ALKBH1: variants seen among roughly 807,000 people sequenced by gnomAD.
ALKBH1 encodes alkB homolog 1, histone H2A dioxygenase.
In ALKBH1, 31 loss-of-function variants were observed where a neutral mutation model predicts 36.6. That is an observed-to-expected ratio of 0.85 (90% CI 0.64 to 1.14). The LOEUF (loss-of-function observed/expected upper bound fraction) is 1.14. Among genes scored for constraint, ALKBH1 ranks in the 50% most tolerant of loss-of-function variants. The pLI is 0.00. For missense variants in ALKBH1, 490 were observed against 497.3 expected, an observed-to-expected ratio of 0.99 and a Z score of 0.14; for synonymous variants, 183 against 186.6, an observed-to-expected ratio of 0.98 and a Z score of 0.16.
chr14:77,693,388 A>G (rs190180330), intron 3 of ALKBH1, among the ~76,000 whole-genome samples: 84 of 152,250 alleles, frequency 5.5e-4, no homozygotes, highest in Non-Finnish European at 7.8e-4. Context: ...GTTTTTGAAC[A>G]TAACTAAAGT....
chr14:77,674,354 T>A, intron 5 of ALKBH1, 113 bp from the exon 6 acceptor site: 1 of 1,209,978 alleles, frequency 8.3e-7, no homozygotes, highest in African/African-American at 1.5e-5. Context: ...AGGTTGATAT[T>A]TATTGCTCCC....
intron 3 of ALKBH1, chr14:77,683,735 C>T (rs1780727947): frequency 4.9e-6 from 1 of 202,282 alleles, no homozygotes; most frequent in Non-Finnish European, 1.0e-5. Flanking sequence ...CCACGCCTGG[C>T]TAATTTTTGT....
At chr14:77,688,402 C>T (rs72685267) in intron 3 of ALKBH1, among the ~76,000 whole-genome samples, 11,631 of 151,832 alleles carry the variant, frequency 0.077, 501 homozygotes, top group Middle Eastern at 0.1. Context: ...ACTAGAGGTG[C>T]GTGCTGCCAT....
chr14:77,704,261 A>ATGTGTATCCTTTGTCTAT, intron 2 of ALKBH1, 108 bp downstream of exon 2: 1 of 798,648 alleles, frequency 1.3e-6, no homozygotes, highest in Admixed American at 2.0e-5. Context: ...TCTGTTTATT[A>ATGTGTATCCTTTGTCTAT]TGTGTATCCT....
intron 5 of ALKBH1, 113 bp downstream of exon 5, chr14:77,675,543 A>T (rs2080200523): frequency 1.2e-6 from 1 of 860,072 alleles, no homozygotes; most frequent in Admixed American, 2.9e-5. Context: ...GGAAGATTAT[A>T]GAGTCCAACC....
chr14:77,675,979 C>G (rs1025812953), intron 4 of ALKBH1, 130 bp from the exon 5 acceptor site: 2 of 751,818 alleles, frequency 2.7e-6, no homozygotes, highest in South Asian at 2.0e-5. Context: ...ACAGCATTAT[C>G]TATCCATTCT....
intron 2 of ALKBH1, among the ~76,000 whole-genome samples, chr14:77,700,653 G>T (rs1419106746): frequency 6.6e-6 from 1 of 152,194 alleles, no homozygotes; most frequent in Non-Finnish European, 1.5e-5. Flanking sequence ...ACGAAATAAA[G>T]AATATTATAA....
chr14:77,700,637 A>G (rs1199219977), intron 2 of ALKBH1, among the ~76,000 whole-genome samples: 6 of 152,180 alleles, frequency 3.9e-5, no homozygotes, highest in East Asian at 1.9e-4. Context: ...CTATCACCAC[A>G]ATTTCACGAA....
chr14:77,687,715 T>C (rs938026486), intron 3 of ALKBH1, among the ~76,000 whole-genome samples: 10 of 152,164 alleles, frequency 6.6e-5, no homozygotes, highest in African/African-American at 1.4e-4. Context: ...TCTAACAGCA[T>C]TTCTTCTGTT....
intron 4 of ALKBH1, among the ~76,000 whole-genome samples, chr14:77,676,258 C>T (rs1297188707): frequency 6.6e-6 from 1 of 151,914 alleles, no homozygotes; most frequent in Non-Finnish European, 1.5e-5. Context: ...GTTGTGATTA[C>T]AGACATGAGC....
chr14:77,707,812 C>G lies in ALKBH1; in HGVS notation c.183+10G>C, dbSNP rs1655635921. 3.2e-6 allele frequency: 5 copies of G among 1,585,148 alleles called. No homozygotes were observed. Among genetic ancestry groups the G allele is most frequent in the Non-Finnish European group, 4.3e-6 (5 of 1,164,514 alleles). ...CGATGGAGAGACGCGCGCCACTCCT[C>G]TCTCTGTACCTTTTGGGCACCAGGA... On this transcript the variant is annotated intron_variant, in intron 1 of 5. Coordinates refer to ENST00000216489, the MANE Select transcript of ALKBH1 (RefSeq NM_006020.3).
In ALKBH1 at chr14:77,683,756, G is replaced by A. The variant is rs146875663; in HGVS notation, c.456-3786C>T. On this transcript the variant is annotated intron_variant, in intron 3 of 5. Transcript: ENST00000216489. ...CTGGCTAATTTTTGTATTTTTAGTA[G>A]AGACAGGGTTTCCCCATGTTGCCCA... The A allele has an allele frequency of 9.0e-3, 1,857 of 206,104 alleles. 17 individuals carry two copies. The highest frequency in any genetic ancestry group is 0.014 in the Non-Finnish European group (1,414 of 102,464). 12.8% of individuals were successfully genotyped at this position (206,104 alleles called of 1,614,324 possible).
intron 3 of ALKBH1, among the ~76,000 whole-genome samples, chr14:77,687,495 A>G (rs1012075092): frequency 8.8e-6 from 1 of 114,148 alleles, no homozygotes; most frequent in Non-Finnish European, 2.0e-5. Flanking sequence ...ACCTCCTTCT[A>G]CCCCCTATCT....
intron 1 of ALKBH1, among the ~76,000 whole-genome samples, chr14:77,707,298 G>A (rs538859332): frequency 5.3e-5 from 8 of 152,316 alleles, no homozygotes; most frequent in East Asian, 3.9e-4. Flanking sequence ...AACGGTGCCT[G>A]TATTCCATAT....
At chr14:77,701,424 G>C (rs2080358647) in intron 2 of ALKBH1, among the ~76,000 whole-genome samples, 1 of 152,152 alleles carries the variant, frequency 6.6e-6, no homozygotes, top group Non-Finnish European at 1.5e-5. Context: ...CAGGTAACCT[G>C]GCACCAGAAC....
At chr14:77,692,663 C>T (rs2080303941) in intron 3 of ALKBH1, among the ~76,000 whole-genome samples, 2 of 152,006 alleles carry the variant, frequency 1.3e-5, no homozygotes, top group Admixed American at 1.3e-4. Context: ...TCCACCTCTC[C>T]TCCTTCATGT....
chr14:77,674,391 G>C (rs1595045692), intron 5 of ALKBH1, 150 bp from the exon 6 acceptor site: 1 of 970,096 alleles, frequency 1.0e-6, no homozygotes, highest in Non-Finnish European at 1.5e-6. Context: ...ACTGTGCTAA[G>C]ATCCTTCTCT....
intron 3 of ALKBH1, among the ~76,000 whole-genome samples, chr14:77,693,986 C>CA (rs1479874215): frequency 6.6e-6 from 1 of 151,790 alleles, no homozygotes; most frequent in Non-Finnish European, 1.5e-5. Context: ...GACTCTGTCT[C>CA]AAAAAACAAA....
chr14:77,680,469 C>T (rs1483328714), intron 3 of ALKBH1, among the ~76,000 whole-genome samples: 1 of 151,958 alleles, frequency 6.6e-6, no homozygotes. Context: ...GTGTATAGTA[C>T]AATAAAAAAT....
Sources: gnomAD v4.1 joint callset for allele counts (sites outside exome capture counted in the v4.1 genomes callset) on GRCh38, gnomAD v4.1.1 for gene constraint, MANE v1.5 for transcripts, NCBI Gene and HGNC (gene_info 2026-07-23, HGNC 2026-07-21) for gene names.